KIF16B: variants seen among roughly 807,000 people sequenced by gnomAD.
KIF16B encodes kinesin family member 16B, also known as kinesin-like protein KIF16B.
KIF16B carries 98 observed loss-of-function variants against 156.3 expected under a neutral mutation model. That is an observed-to-expected ratio of 0.63 (90% CI 0.53 to 0.74). The LOEUF is 0.74. KIF16B is among the 30% of genes least tolerant of loss of function. The pLI is 0.00. For synonymous variants in KIF16B, 564 were observed against 583.7 expected (o/e 0.97, Z 0.49); for missense variants, 1,421 against 1,606.5 (o/e 0.88, Z 1.97).
rs750176585 is a variant in KIF16B at position 16,326,847 on chromosome 20, C to CATT, written c.3711+9076_3711+9078dup. 6.7e-4 allele frequency among the ~76,000 whole-genome samples: 102 copies of CATT among 151,628 alleles called. 2 individuals are homozygous for CATT. Among genetic ancestry groups the CATT allele is most frequent in the Non-Finnish European group, 2.8e-4 (19 of 67,938 alleles). ...GGTATCGACCCAGAGGAAAAGAAGT[C>CATT]ATTATATGAAAAAGACACTTGCACA... is the stretch of plus-strand genomic sequence containing the variant. On this transcript the variant is annotated intron_variant, in intron 24 of 25. Coordinates refer to ENST00000354981, the MANE Select transcript of KIF16B (RefSeq NM_024704.5).
At chr20:16,496,998 C>A (rs930362021) in intron 11 of KIF16B, among the ~76,000 whole-genome samples, 1 of 151,978 alleles carries the variant, frequency 6.6e-6, no homozygotes, top group Non-Finnish European at 1.5e-5. Context: ...ATGTCTGTTT[C>A]TCTTTTCACA....
At chr20:16,551,390 A>T (rs2070656343) in intron 1 of KIF16B, among the ~76,000 whole-genome samples, 1 of 152,000 alleles carries the variant, frequency 6.6e-6, no homozygotes, top group Admixed American at 6.5e-5. Context: ...CAGCCTCCCA[A>T]AGTGCTGGGA....
chr20:16,300,369 GT>G (rs1238432726), intron 25 of KIF16B, among the ~76,000 whole-genome samples: 31 of 152,134 alleles, frequency 2.0e-4, no homozygotes, highest in African/African-American at 7.5e-4. Flanking sequence ...AACATAACTT[GT>G]TTGGAAGATG....
intron 24 of KIF16B, among the ~76,000 whole-genome samples, chr20:16,315,442 G>T (rs1477168551): frequency 6.6e-6 from 1 of 152,128 alleles, no homozygotes; most frequent in Non-Finnish European, 1.5e-5. Context: ...CAGGCCTCTC[G>T]GGATAAAGCT....
At chr20:16,334,157 A>G (rs564701161) in intron 24 of KIF16B, among the ~76,000 whole-genome samples, 4 of 152,310 alleles carry the variant, frequency 2.6e-5, no homozygotes, top group Admixed American at 6.5e-5. Context: ...GTGTGTGTGT[A>G]TATAAAGTCT....
At chr20:16,499,226 GC>G (rs1189485041) in intron 10 of KIF16B, among the ~76,000 whole-genome samples, 1 of 152,116 alleles carries the variant, frequency 6.6e-6, no homozygotes, top group African/African-American at 2.4e-5. Flanking sequence ...TCCTCCAGGG[GC>G]CCCACAAGGG....
At chr20:16,393,205 A>C (rs1480145942) in intron 17 of KIF16B, among the ~76,000 whole-genome samples, 1 of 152,200 alleles carries the variant, frequency 6.6e-6, no homozygotes, top group Non-Finnish European at 1.5e-5. Flanking sequence ...AATATAAACC[A>C]ATCATGTTTT....
At chr20:16,301,811 G>A (rs1020013436) in intron 25 of KIF16B, among the ~76,000 whole-genome samples, 6 of 151,884 alleles carry the variant, frequency 4.0e-5, no homozygotes, top group East Asian at 3.9e-4. Flanking sequence ...CACTACACCC[G>A]GCTAATTTTT....
chr20:16,512,055 G>A (rs1051003386), intron 5 of KIF16B, among the ~76,000 whole-genome samples: 1 of 152,084 alleles, frequency 6.6e-6, no homozygotes, highest in Non-Finnish European at 1.5e-5. Context: ...GCTGATGCAG[G>A]AGAATCACTT....
chr20:16,494,922 C>T (rs1469071318), intron 11 of KIF16B, among the ~76,000 whole-genome samples: 1 of 152,168 alleles, frequency 6.6e-6, no homozygotes, highest in Non-Finnish European at 1.5e-5. Context: ...ACAAAAATCA[C>T]TTCTTTCCAG....
At chr20:16,406,139 G>A (rs1390826590) in intron 16 of KIF16B, among the ~76,000 whole-genome samples, 2 of 152,140 alleles carry the variant, frequency 1.3e-5, no homozygotes, top group Non-Finnish European at 2.9e-5. Context: ...TGAAGAGAAG[G>A]ATCTAGGAGG....
chr20:16,367,116 A>G (rs2064684763), intron 22 of KIF16B: 5 of 1,524,920 alleles, frequency 3.3e-6, no homozygotes, highest in Non-Finnish European at 3.5e-6. Flanking sequence ...ATCTCAAAAA[A>G]CATGTAGTGC....
At chr20:16,427,648 C>T (rs900323081) in intron 14 of KIF16B, among the ~76,000 whole-genome samples, 2 of 151,996 alleles carry the variant, frequency 1.3e-5, no homozygotes, top group Non-Finnish European at 2.9e-5. Context: ...CTCCATGGGT[C>T]GAGGACTTAC....
intron 17 of KIF16B, among the ~76,000 whole-genome samples, chr20:16,402,683 A>T (rs919283188): frequency 2.6e-5 from 4 of 152,200 alleles, no homozygotes; most frequent in Non-Finnish European, 5.9e-5. Flanking sequence ...GTGACTGAGC[A>T]ATAAAACAAC....
intron 23 of KIF16B, 99 bp from the exon 24 acceptor site, chr20:16,336,114 G>T: frequency 1.4e-6 from 1 of 706,338 alleles, no homozygotes; most frequent in South Asian, 1.7e-5. Context: ...AAAGTGATTA[G>T]CATGTAAAAT....
chr20:16,432,857 A>C (rs2066538618), intron 12 of KIF16B, among the ~76,000 whole-genome samples: 1 of 152,230 alleles, frequency 6.6e-6, no homozygotes, highest in Non-Finnish European at 1.5e-5. Context: ...TGCATAACTT[A>C]GTTTCAAGAA....
chr20:16,364,348 C>T (rs1018515636), intron 22 of KIF16B, among the ~76,000 whole-genome samples: 1 of 152,230 alleles, frequency 6.6e-6, no homozygotes, highest in African/African-American at 2.4e-5. Context: ...AGAAGTCCCA[C>T]AATATAAATG....
At chr20:16,369,019 G>A in intron 22 of KIF16B, 1 of 985,834 alleles carries the variant, frequency 1.0e-6, no homozygotes, top group South Asian at 4.7e-5. Context: ...AGCATGCTCA[G>A]GATGACCATA....
chr20:16,413,692 T>C (rs1284019169), intron 15 of KIF16B, among the ~76,000 whole-genome samples: 2 of 151,978 alleles, frequency 1.3e-5, no homozygotes, highest in Non-Finnish European at 2.9e-5. Context: ...CATTTTACTT[T>C]AGAAACACCC....
Sources: allele counts gnomAD v4.1 joint callset (sites outside exome capture counted in the v4.1 genomes callset), GRCh38; gene constraint gnomAD v4.1.1; transcripts MANE v1.5; gene names NCBI Gene and HGNC (gene_info 2026-07-23, HGNC 2026-07-21).